Variants in DDX60 observed in about 807,000 individuals in gnomAD.
DDX60 encodes the protein probable ATP-dependent RNA helicase DDX60.
A neutral mutation model predicts 212.8 loss-of-function variants in DDX60; 165 were observed. That is an observed-to-expected ratio of 0.78 (90% CI 0.68 to 0.88). DDX60 has a LOEUF of 0.88. Among genes scored for constraint, DDX60 ranks in the 40% least tolerant of loss-of-function variants. DDX60 has a pLI of 0.00. For synonymous variants in DDX60, 703 were observed against 685.3 expected (o/e 1.03, Z -0.40); for missense variants, 1,905 against 2,003.9 (o/e 0.95, Z 0.94).
upstream of DDX60, among the ~76,000 whole-genome samples, chr4:168,322,856 G>A (rs182536876): frequency 3.8e-3 from 577 of 152,356 alleles, 5 homozygotes; most frequent in African/African-American, 0.013. Flanking sequence ...GGGACTATGG[G>A]AACCAGGGTC....
chr4:168,248,315 AC>A, intron 28 of DDX60, 23 bp from the exon 29 acceptor site: 1 of 1,515,018 alleles, frequency 6.6e-7, no homozygotes. Flanking sequence ...TAAAACAATT[AC>A]TTCATAAAAT....
chr4:168,272,044 T>A lies in DDX60; in HGVS notation c.2669A>T (p.Glu890Val). Reference protein sequence around the residue: ...VKKIRYVIFDEVHCLGGEIGA... With the variant: ...VKKIRYVIFDVVHCLGGEIGA... ...GCAAAGAAAGAACACCAAACCTACC[T>A]CATCAAATATAACATATCTGATCTT... Residue 890 changes from glutamate to valine, a missense_variant and splice_region_variant, in exon 19 of 38, where the codon GAG becomes GTG. Transcript: ENST00000393743. 6.4e-7 allele frequency: 1 copy of A among 1,573,056 alleles called. No homozygotes were observed.
chr4:168,284,999 T>G (rs1735759161), intron 11 of DDX60, 64 bp from the exon 12 acceptor site: 5 of 811,618 alleles, frequency 6.2e-6, no homozygotes, highest in Non-Finnish European at 9.7e-6. Context: ...GCACAGATTT[T>G]ATTTTATAAT....
At chr4:168,285,782 T>C (rs1327487588) in intron 10 of DDX60, among the ~76,000 whole-genome samples, 1 of 149,790 alleles carries the variant, frequency 6.7e-6, no homozygotes, top group African/African-American at 2.5e-5. Flanking sequence ...GATGCATGGA[T>C]GGGTGGATGG....
intron 27 of DDX60, 60 bp from the exon 28 acceptor site, chr4:168,251,166 T>C: frequency 6.8e-7 from 1 of 1,470,278 alleles, no homozygotes; most frequent in Non-Finnish European, 9.2e-7. Flanking sequence ...TAAAAATGTC[T>C]AAATGAAAAT....
In DDX60 at chr4:168,251,043, C is replaced by G; in HGVS notation, c.3769G>C (p.Ala1257Pro). ...TGATGATATCCAATACCCCTTTCTG[C>G]CAAGGCTTTCAATTCTTCACCTTTT... The part of the protein sequence containing the change: ...ERKGEELKAL[A>P]ERGIGYHHSA... The change falls in exon 28 of 38, where the codon GCA becomes CCA. Residue 1257 changes from alanine (A) to proline (P), a missense_variant. Ala to Pro is a conservative substitution (Grantham distance 27). Coordinates refer to ENST00000393743, the MANE Select transcript of DDX60 (RefSeq NM_017631.6). The G allele has an allele frequency of 6.2e-7, 1 of 1,613,472 alleles. No individual in the cohort carries two copies. Among genetic ancestry groups the G allele is most frequent in the Non-Finnish European group, 8.5e-7 (1 of 1,179,686 alleles).
Position 168,280,540 on chromosome 4 carries a change from G to A in DDX60, c.1773C>T (p.Ala591=). Residue 591 remains alanine, a synonymous_variant, in exon 14 of 38, where the codon GCC becomes GCT. Coordinates refer to ENST00000393743, the MANE Select transcript of DDX60 (RefSeq NM_017631.6). The part of the protein sequence containing the change: ...IARENKKRLF[A]REEQKEEQKW... ...TTTGCTCTTCCTTTTGTTCTTCCCT[G>A]GCAAATAACCTTTTCTTATTCTCTC... The A allele has an allele frequency of 6.2e-7, 1 of 1,613,932 alleles. No individual in the cohort carries two copies. The highest frequency in any genetic ancestry group is 8.5e-7 in the Non-Finnish European group (1 of 1,179,972).
chr4:168,298,325 A>G (rs1736498758), intron 6 of DDX60, among the ~76,000 whole-genome samples: 1 of 152,096 alleles, frequency 6.6e-6, no homozygotes, highest in Non-Finnish European at 1.5e-5. Flanking sequence ...TTCAACTTGC[A>G]CCACATTCCA....
intron 29 of DDX60, among the ~76,000 whole-genome samples, chr4:168,247,892 A>C (rs1174610876): frequency 6.6e-6 from 1 of 152,338 alleles, no homozygotes; most frequent in East Asian, 1.9e-4. Flanking sequence ...CAAATCACTT[A>C]TTTAATTCTT....
In DDX60 at chr4:168,280,372, G is replaced by A; in HGVS notation, c.1941C>T (p.Cys647=). ...GGCAATGTTCTTTCCAGGCTTTCAA[G>A]CAAGCAGTTAACCCCACCATTTCAA... The part of the protein sequence containing the change: ...LQVEMVGLTA[C]LKAWKEHCRS... The change falls in exon 14 of 38, where the codon TGC becomes TGT. Residue 647 remains cysteine (C), a synonymous_variant. Coordinates refer to ENST00000393743, the MANE Select transcript of DDX60 (RefSeq NM_017631.6). 1 of 1,613,656 alleles carries A rather than the reference G, an allele frequency of 6.2e-7. No homozygotes were observed.
intron 14 of DDX60, 149 bp downstream of exon 14, chr4:168,280,186 G>C (rs1157099487): frequency 1.9e-6 from 2 of 1,039,372 alleles, no homozygotes; most frequent in African/African-American, 3.3e-5. Flanking sequence ...GGCAGGTAGC[G>C]GGAAACTATT....
chr4:168,231,323 A>G (rs949692385), intron 33 of DDX60, among the ~76,000 whole-genome samples: 1 of 152,070 alleles, frequency 6.6e-6, no homozygotes, highest in Admixed American at 6.6e-5. Flanking sequence ...TTCAAAAGAT[A>G]GAGAAAGAGG....
chr4:168,241,700 A>G (rs1260208919), intron 30 of DDX60, among the ~76,000 whole-genome samples: 1 of 152,150 alleles, frequency 6.6e-6, no homozygotes, highest in African/African-American at 2.4e-5. Context: ...TCCGTTTTAT[A>G]AGGGAAGCAG....
At chr4:168,233,330 C>G (rs1733520770) in intron 33 of DDX60, among the ~76,000 whole-genome samples, 1 of 152,018 alleles carries the variant, frequency 6.6e-6, no homozygotes, top group Non-Finnish European at 1.5e-5. Flanking sequence ...AGTAGATCTA[C>G]CATTTGATCC....
intron 28 of DDX60, among the ~76,000 whole-genome samples, chr4:168,250,445 C>G (rs1734176186): frequency 6.6e-6 from 1 of 150,464 alleles, no homozygotes; most frequent in Non-Finnish European, 1.5e-5. Flanking sequence ...GGAGGTTCAA[C>G]AACAAACAAA....
rs762073561 is a variant in DDX60, at chr4:168,285,347, G to A, written c.1445+46C>T. 11 of 1,066,340 alleles carry A rather than the reference G, an allele frequency of 1.0e-5. No homozygotes were observed. The Admixed American group carries it at 1.3e-4, about 13-fold the overall frequency. 66.1% of individuals were successfully genotyped at this position (1,066,340 alleles called of 1,614,324 possible). On this transcript the variant is annotated intron_variant, in intron 11 of 37. Transcript: ENST00000393743. The stretch of plus-strand genomic sequence containing the variant: ...AAATAATCCTCGTTGAGTAACTCAT[G>A]TATTCCACACAAGTATTTATTGAGG...
intron 5 of DDX60, among the ~76,000 whole-genome samples, chr4:168,304,537 C>T (rs1236455939): frequency 1.3e-5 from 2 of 151,810 alleles, no homozygotes; most frequent in Non-Finnish European, 2.9e-5. Flanking sequence ...CTTGTCTCTA[C>T]AAAAAATACA....
intron 6 of DDX60, among the ~76,000 whole-genome samples, chr4:168,297,378 GAAAGAGAA>G (rs1238796691): frequency 2.5e-3 from 133 of 53,756 alleles, no homozygotes; most frequent in South Asian, 4.7e-3. Flanking sequence ...AAGAAAGAAA[GAAAGAGAA>G]AGAAAGAAAG....
intron 30 of DDX60, among the ~76,000 whole-genome samples, chr4:168,244,020 C>A (rs1372474725): frequency 2.0e-5 from 3 of 152,136 alleles, no homozygotes; most frequent in Non-Finnish European, 4.4e-5. Flanking sequence ...AACAAAACAC[C>A]ACATGTTCTC....
Sources: gnomAD v4.1 joint callset for allele counts (sites outside exome capture counted in the v4.1 genomes callset) on GRCh38, gnomAD v4.1.1 for gene constraint, MANE v1.5 for transcripts, NCBI Gene and HGNC (gene_info 2026-07-23, HGNC 2026-07-21) for gene names.